Variants in MAGI1 observed in about 807,000 individuals in gnomAD.
The protein encoded by MAGI1 is membrane associated guanylate kinase, WW and PDZ domain containing 1, also known as membrane-associated guanylate kinase, WW and PDZ domain-containing protein 1.
In MAGI1, 58 loss-of-function variants were observed where a neutral mutation model predicts 139.9. The ratio of observed to expected loss-of-function variants is 0.41; its 90% CI spans 0.34 to 0.52. MAGI1 has a LOEUF of 0.52. Among genes scored for constraint, MAGI1 ranks in the 20% least tolerant of loss-of-function variants. The probability of loss-of-function intolerance (pLI) is 0.12; values close to 1 mark genes in which losing one functional copy is unlikely to be tolerated. For synonymous variants in MAGI1, 812 were observed against 737.9 expected, an observed-to-expected ratio of 1.10 and a Z score of -1.63; for missense variants, 1,874 against 1,901.6, an observed-to-expected ratio of 0.99 and a Z score of 0.27.
intron 12 of MAGI1, chr3:65,401,674 T>C: frequency 6.5e-7 from 1 of 1,544,974 alleles, no homozygotes; most frequent in South Asian, 1.2e-5. Flanking sequence ...AGGCAGGAGA[T>C]CTATCTGCAT....
chr3:65,764,212 C>T (rs2037287563), intron 1 of MAGI1, among the ~76,000 whole-genome samples: 1 of 151,642 alleles, frequency 6.6e-6, no homozygotes, highest in African/African-American at 2.4e-5. Context: ...TTTCTAGTTC[C>T]ACACCCACCC....
intron 1 of MAGI1, among the ~76,000 whole-genome samples, chr3:65,932,500 C>A (rs2062850200): frequency 6.6e-6 from 1 of 152,228 alleles, no homozygotes; most frequent in African/African-American, 2.4e-5. Context: ...TTCCCACCAT[C>A]CCGAACATAT....
At position 65,431,551 on chromosome 3, in the gene MAGI1, A is replaced by T. The variant is rs548863479; in HGVS notation, c.1364-670T>A. Among the ~76,000 whole-genome samples the T allele has an allele frequency of 2.0e-5, 3 of 152,268 alleles. No homozygotes were observed. In the South Asian group the frequency reaches 6.2e-4, roughly 32 times the overall value. ...CTAGGGCTAAGAATTACTGTTTAAA[A>T]CAAGTTTAGGATATTTGTTTAAAAA... is the stretch of plus-strand genomic sequence containing the variant. On this transcript the variant is annotated intron_variant, in intron 10 of 22. Coordinates refer to ENST00000402939, the MANE Select transcript of MAGI1 (RefSeq NM_001033057.2).
chr3:65,840,779 G>T (rs2058776805), intron 1 of MAGI1, among the ~76,000 whole-genome samples: 1 of 152,094 alleles, frequency 6.6e-6, no homozygotes, highest in South Asian at 2.1e-4. Context: ...GTCTAGTTTT[G>T]ATATCGGGAT....
At chr3:66,032,144 T>G (rs369325634) in intron 1 of MAGI1, among the ~76,000 whole-genome samples, 147 of 152,262 alleles carry the variant, frequency 9.7e-4, no homozygotes, top group African/African-American at 3.5e-3. Flanking sequence ...GTGGCCTAGT[T>G]GCACTTACCT....
intron 1 of MAGI1, among the ~76,000 whole-genome samples, chr3:65,885,497 G>C (rs2060494615): frequency 1.3e-5 from 2 of 152,150 alleles, no homozygotes; most frequent in Admixed American, 1.3e-4. Flanking sequence ...ATATGGTTTG[G>C]CTGTGTCCCC....
At chr3:65,768,518 A>G (rs1178879377) in intron 1 of MAGI1, among the ~76,000 whole-genome samples, 1 of 152,224 alleles carries the variant, frequency 6.6e-6, no homozygotes, top group East Asian at 1.9e-4. Context: ...TTTTTTCTTC[A>G]TTGTTTGGCT....
At chr3:65,658,539 C>A (rs17073299) in intron 1 of MAGI1, among the ~76,000 whole-genome samples, 1,955 of 152,210 alleles carry the variant, frequency 0.013, 46 homozygotes, top group African/African-American at 0.044. Context: ...AATGTTAATA[C>A]GCATCTCAAT....
Position 65,869,255 on chromosome 3 carries a change from C to CAA in MAGI1, c.313+168739_313+168740dup, listed in dbSNP as rs35601573. ...TGGGTGACAGAGCGAGACTCCGTCT[C>CAA]AAAAAAAAAAAAAAAACAACAACTA... On this transcript the variant is annotated intron_variant, in intron 1 of 22. Transcript: ENST00000402939. 1.5e-3 allele frequency among the ~76,000 whole-genome samples: 118 copies of CAA among 78,644 alleles called. 1 individual carries two copies. The highest frequency in any genetic ancestry group is 3.9e-3 in the African/African-American group (105 of 26,770). The allele number at this position is 78,644 out of a possible 152,430, so 51.6% of individuals were successfully genotyped here.
intron 2 of MAGI1, among the ~76,000 whole-genome samples, chr3:65,617,132 C>T (rs1015357723): frequency 6.6e-6 from 1 of 152,118 alleles, no homozygotes; most frequent in African/African-American, 2.4e-5. Flanking sequence ...ACATGTAATC[C>T]CTCCGTAAAG....
intron 2 of MAGI1, among the ~76,000 whole-genome samples, chr3:65,530,728 C>G (rs534285121): frequency 9.3e-6 from 1 of 107,368 alleles, no homozygotes; most frequent in African/African-American, 4.4e-5. Context: ...TATATACACA[C>G]GTATATATAT....
At chr3:66,032,419 A>C (rs1576530678) in intron 1 of MAGI1, among the ~76,000 whole-genome samples, 2 of 125,894 alleles carry the variant, frequency 1.6e-5, no homozygotes, top group East Asian at 2.5e-4. Flanking sequence ...ACAGGGTTTC[A>C]CCATCTTGGC....
chr3:65,526,252 T>C (rs2078373986), intron 2 of MAGI1, among the ~76,000 whole-genome samples: 1 of 152,176 alleles, frequency 6.6e-6, no homozygotes, highest in Admixed American at 6.5e-5. Flanking sequence ...TCTTTGCCAT[T>C]TTTTGCCAAA....
chr3:65,549,430 G>A lies in MAGI1; in HGVS notation c.431-55799C>T, dbSNP rs374376138. The A allele has an allele frequency of 6.1e-6, 6 of 985,112 alleles. No homozygotes were observed. The Admixed American group carries it at 3.7e-4, about 61-fold the overall frequency. 61.0% of individuals were successfully genotyped at this position (985,112 alleles called of 1,614,324 possible). ...TACCTGCGGGCCCCGGAGCGGCCCC[G>A]GAGTTCGCCTCGGTCACTGCCGGAG... On this transcript the variant is annotated intron_variant, in intron 2 of 22. Transcript: ENST00000402939.
chr3:65,500,467 T>A (rs919906960), intron 2 of MAGI1, among the ~76,000 whole-genome samples: 5 of 152,216 alleles, frequency 3.3e-5, no homozygotes, highest in Non-Finnish European at 7.3e-5. Flanking sequence ...TGTATCTGGC[T>A]TCAGAGACTC....
chr3:65,622,821 C>T (rs2083757956), intron 1 of MAGI1, among the ~76,000 whole-genome samples: 1 of 152,144 alleles, frequency 6.6e-6, no homozygotes, highest in South Asian at 2.1e-4. Flanking sequence ...CCCGCCTCGG[C>T]CTCCCAAAGT....
chr3:66,018,183 ACCTTTAACCT>A (rs1179031403), intron 1 of MAGI1, among the ~76,000 whole-genome samples: 2 of 151,486 alleles, frequency 1.3e-5, no homozygotes, highest in Non-Finnish European at 2.9e-5. Flanking sequence ...GGAACAAAAT[ACCTTTAACCT>A]CCACTACACC....
intron 2 of MAGI1, among the ~76,000 whole-genome samples, chr3:65,522,474 G>A (rs1453057536): frequency 6.6e-6 from 1 of 152,098 alleles, no homozygotes; most frequent in Non-Finnish European, 1.5e-5. Flanking sequence ...CCAAGTTCAG[G>A]ATGAAATCTC....
At chr3:65,490,397 AG>A (rs1951919564) in intron 3 of MAGI1, among the ~76,000 whole-genome samples, 3 of 152,330 alleles carry the variant, frequency 2.0e-5, no homozygotes, top group Admixed American at 1.3e-4. Context: ...AGCCACCATC[AG>A]GGGACTTGTC....
Sources: gnomAD v4.1 joint callset for allele counts (sites outside exome capture counted in the v4.1 genomes callset) on GRCh38, gnomAD v4.1.1 for gene constraint, MANE v1.5 for transcripts, NCBI Gene and HGNC (gene_info 2026-07-23, HGNC 2026-07-21) for gene names.